The following CNTN3 variants were observed in gnomAD, a reference collection of about 807,000 sequenced individuals.
CNTN3 encodes the protein contactin-3.
A neutral mutation model predicts 119.1 loss-of-function variants in CNTN3; 60 were observed. The observed-to-expected ratio is 0.50, with a 90% CI of 0.41 to 0.62. CNTN3 has a LOEUF of 0.62. Ranked by LOEUF, CNTN3 falls within the 20% of genes least tolerant of loss-of-function variation. The pLI, the probability that CNTN3 is intolerant of heterozygous loss-of-function variation, is 0.00. For synonymous variants in CNTN3, 450 were observed against 438.7 expected (o/e 1.03, Z -0.32); for missense variants, 1,101 against 1,242.4 (o/e 0.89, Z 1.71).
chr3:74,595,140 G>A (rs867457148), intron 1 of CNTN3, among the ~76,000 whole-genome samples: 8 of 151,520 alleles, frequency 5.3e-5, no homozygotes, highest in Non-Finnish European at 8.8e-5. Context: ...TTTTTGATGC[G>A]GCTGTTTTTT....
At chr3:74,292,479 T>C (rs577106461) in intron 19 of CNTN3, among the ~76,000 whole-genome samples, 1 of 152,078 alleles carries the variant, frequency 6.6e-6, no homozygotes. Context: ...GGCAGGAGAG[T>C]TGCTTGAACC....
rs550636167 is a variant in CNTN3, at chr3:74,353,097, G to A, written c.1364+8793C>T. On this transcript the variant is annotated intron_variant, in intron 11 of 22. Transcript: ENST00000263665. ...AGTGTAAGGGAAGGGGAAAGAGATGGAGAGAGACACATTCCTTTGGCAAAG... is the reference window on the plus strand; with the variant it reads ...AGTGTAAGGGAAGGGGAAAGAGATGAAGAGAGACACATTCCTTTGGCAAAG... 1.2e-4 allele frequency among the ~76,000 whole-genome samples: 18 copies of A among 152,266 alleles called. No individual in the cohort carries two copies. In the South Asian group the frequency reaches 3.7e-3, roughly 32 times the overall value.
chr3:74,597,320 T>C (rs542801079), intron 1 of CNTN3, among the ~76,000 whole-genome samples: 3 of 152,126 alleles, frequency 2.0e-5, no homozygotes, highest in African/African-American at 7.2e-5. Context: ...ATGTAAAAAC[T>C]CTCTGCACTC....
At chr3:74,478,611 A>T (rs1702703919) in intron 4 of CNTN3, among the ~76,000 whole-genome samples, 3 of 152,106 alleles carry the variant, frequency 2.0e-5, no homozygotes, top group Admixed American at 1.3e-4. Context: ...AGAAAGAGGT[A>T]ATAATGAGGT....
chr3:74,506,659 A>T (rs769338927), intron 2 of CNTN3, among the ~76,000 whole-genome samples: 10 of 150,878 alleles, frequency 6.6e-5, no homozygotes, highest in African/African-American at 1.2e-4. Context: ...TAAAAAAAAA[A>T]GTTAGAATGC....
At chr3:74,447,634 T>C (rs1702072270) in intron 4 of CNTN3, among the ~76,000 whole-genome samples, 1 of 152,194 alleles carries the variant, frequency 6.6e-6, no homozygotes, top group Admixed American at 6.6e-5. Flanking sequence ...AGATTTTCTT[T>C]CTGATTTCAG....
chr3:74,336,545 T>C lies in CNTN3; in HGVS notation c.1478A>G (p.His493Arg), dbSNP rs1703400689. ...AATGGACCTACCCGTAACAACCAAA[T>C]GTGTTGTGCCATTTGCTTTCCCAAA... Reference protein sequence around the residue: ...NQFGKANGTTHLVVTEPTRIT... With the variant: ...NQFGKANGTTRLVVTEPTRIT... The change falls in exon 12 of 23, where the codon CAT becomes CGT. Residue 493 changes from histidine (H) to arginine (R), a missense_variant. By Grantham distance (29) the His-to-Arg change is conservative. Transcript: ENST00000263665. The C allele has an allele frequency of 3.7e-6, 6 of 1,612,428 alleles. No homozygotes were observed. In the East Asian group the frequency reaches 8.9e-5, roughly 24 times the overall value.
At chr3:74,356,406 G>C (rs1358188046) in intron 11 of CNTN3, among the ~76,000 whole-genome samples, 2 of 151,990 alleles carry the variant, frequency 1.3e-5, no homozygotes, top group Non-Finnish European at 2.9e-5. Context: ...CATCTTTCAA[G>C]TCCTGCTGCA....
chr3:74,583,978 T>C (rs970773947), intron 1 of CNTN3, among the ~76,000 whole-genome samples: 4 of 152,178 alleles, frequency 2.6e-5, no homozygotes, highest in African/African-American at 9.6e-5. Flanking sequence ...AAGGAACTAA[T>C]TCTCTCTGAG....
intron 1 of CNTN3, among the ~76,000 whole-genome samples, chr3:74,586,847 C>A (rs1489219901): frequency 6.6e-6 from 1 of 152,004 alleles, no homozygotes; most frequent in African/African-American, 2.4e-5. Context: ...AAAAAACAGA[C>A]AAAAAGATAT....
At chr3:74,593,609 G>A (rs1324657375) in intron 1 of CNTN3, among the ~76,000 whole-genome samples, 1 of 151,914 alleles carries the variant, frequency 6.6e-6, no homozygotes, top group African/African-American at 2.4e-5. Flanking sequence ...GCCAGAAACT[G>A]TTATTTTTAA....
rs1702380366 is a variant in CNTN3 at position 74,298,166 on chromosome 3, C to A, written c.2192G>T (p.Gly731Val). 6.2e-7 allele frequency: 1 copy of A among 1,601,472 alleles called. No homozygotes were observed. The highest frequency in any genetic ancestry group is 1.1e-5 in the South Asian group (1 of 89,282). ...AGCAACAACATACCCAAAACCTTCA[C>A]CATTCTGTAGTTCTTCAGGGACTGG... ...WDPVPEELQN[G>V]EGFGYVVAFR... Residue 731 changes from glycine to valine, a missense_variant, in exon 18 of 23, where the codon GGT becomes GTT. Coordinates refer to ENST00000263665, the MANE Select transcript of CNTN3 (RefSeq NM_020872.3).
intron 1 of CNTN3, among the ~76,000 whole-genome samples, chr3:74,542,693 G>A (rs1310669694): frequency 6.6e-6 from 1 of 152,146 alleles, no homozygotes; most frequent in African/African-American, 2.4e-5. Context: ...GTAGCTAACA[G>A]TGTAAATTTG....
chr3:74,301,601 A>T (rs1426923323), intron 15 of CNTN3, 46 bp downstream of exon 15: 2 of 1,612,188 alleles, frequency 1.2e-6, no homozygotes, highest in Middle Eastern at 1.7e-4. Flanking sequence ...ATTGACTTGA[A>T]ATCCATTTAT....
At position 74,424,845 on chromosome 3, in the gene CNTN3, C is replaced by T. The variant is rs1376686199; in HGVS notation, c.454G>A (p.Glu152Lys). Residue 152 changes from glutamate to lysine, a missense_variant and splice_region_variant, in exon 5 of 23, where the codon GAA (glutamate) becomes AAA (lysine). Physicochemically the swap from Glu to Lys is moderately conservative, Grantham distance 56. Coordinates refer to ENST00000263665, the MANE Select transcript of CNTN3 (RefSeq NM_020872.3). ...LLCGPPPHSGELSYAWIFNEY... is the reference protein window; with the variant it reads ...LLCGPPPHSGKLSYAWIFNEY... ...AAAGCAGAAACAGAGCATGACTTACCTCCAGAGTGTGGTGGGGGGCCGCAG... is the reference window on the plus strand; with the variant it reads ...AAAGCAGAAACAGAGCATGACTTACTTCCAGAGTGTGGTGGGGGGCCGCAG... 6.2e-7 allele frequency: 1 copy of T among 1,612,990 alleles called. No homozygotes were observed.
chr3:74,492,465 C>A (rs944497874), intron 3 of CNTN3, among the ~76,000 whole-genome samples: 11 of 152,094 alleles, frequency 7.2e-5, no homozygotes, highest in Admixed American at 5.2e-4. Flanking sequence ...CTGGACCAAG[C>A]CTAATAAAAT....
At chr3:74,465,581 T>A (rs879659098) in intron 4 of CNTN3, among the ~76,000 whole-genome samples, 1 of 152,204 alleles carries the variant, frequency 6.6e-6, no homozygotes, top group African/African-American at 2.4e-5. Flanking sequence ...TCTTCTTATA[T>A]CTATCCAGAA....
At chr3:74,328,635 C>T (rs1326011224) in intron 13 of CNTN3, among the ~76,000 whole-genome samples, 1 of 152,144 alleles carries the variant, frequency 6.6e-6, no homozygotes, top group African/African-American at 2.4e-5. Context: ...TTGATAAATA[C>T]AGCCCTTGGA....
At chr3:74,274,912 A>G (rs987494982) in intron 20 of CNTN3, among the ~76,000 whole-genome samples, 8 of 152,190 alleles carry the variant, frequency 5.3e-5, no homozygotes, top group African/African-American at 1.9e-4. Context: ...AAATGAAACA[A>G]GAAGTGAAGG....
Sources: gnomAD v4.1 joint callset for allele counts (sites outside exome capture counted in the v4.1 genomes callset) on GRCh38, gnomAD v4.1.1 for gene constraint, MANE v1.5 for transcripts, NCBI Gene and HGNC (gene_info 2026-07-23, HGNC 2026-07-21) for gene names.